Variants in CCDC88C observed in about 807,000 individuals in gnomAD.
CCDC88C encodes the protein coiled-coil and HOOK domain protein 88C, also known as protein Daple.
CCDC88C carries 131 observed loss-of-function variants against 198.8 expected under a neutral mutation model. The ratio of observed to expected loss-of-function variants is 0.66; its 90% confidence interval spans 0.57 to 0.76. The LOEUF (loss-of-function observed/expected upper bound fraction) is 0.76, where lower values mean the gene tolerates loss of function less well. CCDC88C is among the 30% of genes least tolerant of loss of function. CCDC88C has a pLI of 0.00. For missense variants in CCDC88C, 2,553 were observed against 2,631.6 expected (o/e 0.97, Z 0.65); for synonymous variants, 1,166 against 1,114.7 (o/e 1.05, Z -0.92).
In CCDC88C at chr14:91,291,265, G is replaced by A. The variant is rs142546273; in HGVS notation, c.4113-181C>T. On this transcript the variant is annotated intron_variant, in intron 23 of 29. Transcript: ENST00000389857. ...GAATACGGGAATGGTGGCATGCGCC[G>A]TGGGTTCAGGGAGCTCTATGACCCT... 5.2e-3 allele frequency among the ~76,000 whole-genome samples: 787 copies of A among 152,318 alleles called. 7 individuals carry two copies. The highest frequency in any genetic ancestry group is 7.3e-3 in the Non-Finnish European group (496 of 68,028).
intron 29 of CCDC88C, among the ~76,000 whole-genome samples, chr14:91,274,964 C>T (rs2139712935): frequency 6.6e-6 from 1 of 152,300 alleles, no homozygotes; most frequent in East Asian, 1.9e-4. Context: ...ACCCACCCTT[C>T]CTGGCCACGC....
At chr14:91,326,366 T>C (rs61988404) in intron 10 of CCDC88C, among the ~76,000 whole-genome samples, 14,236 of 152,202 alleles carry the variant, frequency 0.094, 921 homozygotes, top group African/African-American at 0.18. Context: ...GCGCCTGCTA[T>C]CGCGCCCGGC....
At chr14:91,315,979 G>A in intron 13 of CCDC88C, 192 bp from the exon 14 acceptor site, 1 of 578,018 alleles carries the variant, frequency 1.7e-6, no homozygotes, top group Non-Finnish European at 3.0e-6. Context: ...TCACCAGGAA[G>A]CAAACCATCA....
At chr14:91,301,846 T>C (rs769789358) in intron 20 of CCDC88C, among the ~76,000 whole-genome samples, 1 of 152,218 alleles carries the variant, frequency 6.6e-6, no homozygotes, top group Admixed American at 6.5e-5. Flanking sequence ...ACACGAATGC[T>C]TCATTAGTTT....
intron 22 of CCDC88C, among the ~76,000 whole-genome samples, chr14:91,295,572 C>A (rs1419664399): frequency 6.6e-6 from 1 of 152,216 alleles, no homozygotes; most frequent in East Asian, 1.9e-4. Context: ...ATCCTGAGGG[C>A]CAGTGCATCC....
At chr14:91,276,001 T>C (rs906674597) in intron 29 of CCDC88C, among the ~76,000 whole-genome samples, 6 of 151,776 alleles carry the variant, frequency 4.0e-5, no homozygotes, top group Non-Finnish European at 8.8e-5. Flanking sequence ...TTTGTATTTT[T>C]AGTAGAGACG....
In CCDC88C at chr14:91,272,454, T is replaced by C. The variant is rs1013435924; in HGVS notation, c.*171A>G. ...TTACACACCTGGAAGCGTAATCCTC[T>C]TGGGGCTTGGCACAGTGTTTCCATT... On this transcript the variant is annotated 3_prime_UTR_variant, in exon 30 of 30. Transcript: ENST00000389857. The C allele has an allele frequency of 4.5e-6, 3 of 668,040 alleles. No homozygotes were observed. The highest frequency in any genetic ancestry group is 7.5e-6 in the Non-Finnish European group (3 of 401,668). 41.4% of individuals were successfully genotyped at this position (668,040 alleles called of 1,614,324 possible).
At position 91,325,585 on chromosome 14, in the gene CCDC88C, C is replaced by CT. The variant is rs898022232; in HGVS notation, c.1197+324dup. Among the ~76,000 whole-genome samples, 3 of 151,920 alleles carry CT rather than the reference C, an allele frequency of 2.0e-5. No homozygotes were observed. Among genetic ancestry groups the CT allele is most frequent in the Admixed American group, 6.6e-5 (1 of 15,238 alleles). ...CCAATCGGTTTTCTTTTCTTTCTTT[C>CT]TTTTTTTCTGAGACAAGGTCTTGCT... is the stretch of plus-strand genomic sequence containing the variant. On this transcript the variant is annotated intron_variant, in intron 11 of 29. Coordinates refer to ENST00000389857, the MANE Select transcript of CCDC88C (RefSeq NM_001080414.4). This position sits in a 1 kb window ranked among gnomAD's most constrained non-coding sequence, Gnocchi z 4.1.
rs35728972 is a variant in CCDC88C at position 91,322,904 on chromosome 14, C to CTTTTTTTT, written c.1343-1608_1343-1601dup. On this transcript the variant is annotated intron_variant, in intron 12 of 29. Coordinates refer to ENST00000389857, the MANE Select transcript of CCDC88C (RefSeq NM_001080414.4). ...TTACTACTAAAACGCCAGTGTTTCTCTTTTTTTTTTTTTTTTTTTGAGACA... is the reference window on the plus strand; with the variant it reads ...TTACTACTAAAACGCCAGTGTTTCTCTTTTTTTTTTTTTTTTTTTTTTTTTTTGAGACA... Among the ~76,000 whole-genome samples the CTTTTTTTT allele has an allele frequency of 8.9e-4, 113 of 127,498 alleles. 1 individual carries two copies. Among genetic ancestry groups the CTTTTTTTT allele is most frequent in the South Asian group, 1.0e-3 (4 of 3,880 alleles). 83.6% of individuals were successfully genotyped at this position (127,498 alleles called of 152,430 possible).
chr14:91,344,281 C>T (rs939939463), intron 4 of CCDC88C, among the ~76,000 whole-genome samples: 1 of 152,094 alleles, frequency 6.6e-6, no homozygotes, highest in Non-Finnish European at 1.5e-5. Flanking sequence ...AGAACAACTC[C>T]CACAGGAAAT....
At chr14:91,404,798 C>T (rs1886392025) in intron 3 of CCDC88C, among the ~76,000 whole-genome samples, 1 of 151,842 alleles carries the variant, frequency 6.6e-6, no homozygotes, top group South Asian at 2.1e-4. Flanking sequence ...CCCGTCTCTA[C>T]TAAAAATACA....
chr14:91,367,246 A>G (rs568134139), intron 3 of CCDC88C, among the ~76,000 whole-genome samples: 1 of 152,334 alleles, frequency 6.6e-6, no homozygotes, highest in South Asian at 2.1e-4. Flanking sequence ...GAAATCCCAG[A>G]AAAGTTAAGA....
intron 3 of CCDC88C, among the ~76,000 whole-genome samples, chr14:91,361,129 T>TAAAA (rs58164336): frequency 8.5e-6 from 1 of 117,916 alleles, no homozygotes; most frequent in African/African-American, 3.3e-5. Context: ...ACCCTGTCTA[T>TAAAA]AAAAAAAAAA....
rs936583218 is a variant in CCDC88C, at chr14:91,307,301, G to C, written c.3007-75C>G. On this transcript the variant is annotated intron_variant, in intron 17 of 29. Transcript: ENST00000389857. ...CTGGAGCCCCGAGTGAGTGGCTGAGGGCAACCTGCACCACACCCTCCACAC... is the reference window on the plus strand; with the variant it reads ...CTGGAGCCCCGAGTGAGTGGCTGAGCGCAACCTGCACCACACCCTCCACAC... 1.6e-4 allele frequency: 214 copies of C among 1,335,534 alleles called. 1 individual carries two copies. In the East Asian group the frequency reaches 4.9e-3, roughly 30 times the overall value. 82.7% of individuals were successfully genotyped at this position (1,335,534 alleles called of 1,614,324 possible).
At chr14:91,372,528 C>CGGGGGGGGGGGGGG (rs199749681) in intron 3 of CCDC88C, among the ~76,000 whole-genome samples, 1 of 24,534 alleles carries the variant, frequency 4.1e-5, no homozygotes, top group Non-Finnish European at 7.6e-5. Context: ...GGCAGTGGTG[C>CGGGGGGGGGGGGGG]GGGGGGGGGC....
intron 3 of CCDC88C, chr14:91,379,080 A>G (rs1787518806): frequency 6.6e-6 from 1 of 152,258 alleles, no homozygotes; most frequent in African/African-American, 2.4e-5. Context: ...TCAGCACAGC[A>G]ATTTGCATTC....
chr14:91,298,598 G>A lies in CCDC88C; in HGVS notation c.3780-1107C>T, dbSNP rs116692692. 2.7e-3 allele frequency among the ~76,000 whole-genome samples: 404 copies of A among 152,214 alleles called. 3 individuals carry two copies. The highest frequency in any genetic ancestry group is 9.3e-3 in the African/African-American group (385 of 41,522). On this transcript the variant is annotated intron_variant, in intron 21 of 29. Coordinates refer to ENST00000389857, the MANE Select transcript of CCDC88C (RefSeq NM_001080414.4). ...GTTTACATCAATACCCAAACATTCAGGTTCTCTTAAAATATAAAAAACAAA... is the reference window on the plus strand; with the variant it reads ...GTTTACATCAATACCCAAACATTCAAGTTCTCTTAAAATATAAAAAACAAA...
chr14:91,327,115 C>G (rs191265352), intron 10 of CCDC88C, among the ~76,000 whole-genome samples: 17 of 152,338 alleles, frequency 1.1e-4, no homozygotes, highest in East Asian at 7.7e-4. Context: ...CCCCCAAATG[C>G]CTTCGCAGGT....
intron 14 of CCDC88C, 26 bp downstream of exon 14, chr14:91,315,624 G>A: frequency 6.2e-7 from 1 of 1,613,258 alleles, no homozygotes. Context: ...GGTTCTAGGA[G>A]AGGCGTTAGT....
Sources: allele counts gnomAD v4.1 joint callset (sites outside exome capture counted in the v4.1 genomes callset), GRCh38; gene constraint gnomAD v4.1.1; non-coding constraint Gnocchi (gnomAD v3.1); transcripts MANE v1.5; gene names NCBI Gene and HGNC (gene_info 2026-07-23, HGNC 2026-07-21).